The following PPP4R2 variants were observed in gnomAD, a reference collection of about 807,000 sequenced individuals.
The protein encoded by PPP4R2 is protein phosphatase 4 regulatory subunit 2.
A neutral mutation model predicts 47.2 loss-of-function variants in PPP4R2; 13 were observed. That is an observed-to-expected ratio of 0.28 (90% CI 0.18 to 0.44). The LOEUF (loss-of-function observed/expected upper bound fraction) is 0.44, where lower values mean the gene tolerates loss of function less well. PPP4R2 is among the 20% of genes least tolerant of loss of function. The pLI is 1.00. For synonymous variants in PPP4R2, 151 were observed against 163.3 expected (o/e 0.92, Z 0.57); for missense variants, 421 against 491.2 (o/e 0.86, Z 1.35).
chr3:73,056,561 G>A (rs763963531), intron 3 of PPP4R2, among the ~76,000 whole-genome samples: 4 of 152,066 alleles, frequency 2.6e-5, no homozygotes, highest in Non-Finnish European at 4.4e-5. Context: ...TGACATTTTA[G>A]TGCCATCTAT....
chr3:72,997,447 C>G (rs1046344182), intron 1 of PPP4R2: 2 of 159,602 alleles, frequency 1.3e-5, no homozygotes, highest in Non-Finnish European at 2.7e-5. Context: ...AAAAAGTAAA[C>G]GGTTGGTGGG....
In PPP4R2 at chr3:73,068,685, G is replaced by C. The variant is rs1293564237; in HGVS notation, c.*2963G>C. 6.6e-6 allele frequency: 1 copy of C among 152,114 alleles called. No individual in the cohort carries two copies. Among genetic ancestry groups the C allele is most frequent in the Non-Finnish European group, 1.5e-5 (1 of 68,022 alleles). The allele number at this position is 152,114 out of a possible 1,614,324, so 9.4% of individuals were successfully genotyped here. ...GAGATTCAGAGTATTTTGTTTTGCCGGTGTAGATAGGCATGTATTTATGCA... is the reference window on the plus strand; with the variant it reads ...GAGATTCAGAGTATTTTGTTTTGCCCGTGTAGATAGGCATGTATTTATGCA... On this transcript the variant is annotated 3_prime_UTR_variant, in exon 9 of 9. Transcript: ENST00000356692.
chr3:73,021,108 T>C (rs1701950696), intron 2 of PPP4R2, among the ~76,000 whole-genome samples: 1 of 152,160 alleles, frequency 6.6e-6, no homozygotes, highest in Non-Finnish European at 1.5e-5. Flanking sequence ...TTTATGCAGA[T>C]ATGTTTTTGA....
At position 73,002,629 on chromosome 3, in the gene PPP4R2, C is replaced by CTTTTT. The variant is rs1245599779; in HGVS notation, c.116+4475_116+4476insTTTTT. On this transcript the variant is annotated intron_variant, in intron 2 of 8. Coordinates refer to ENST00000356692, the MANE Select transcript of PPP4R2 (RefSeq NM_174907.4). ...TTTTTCTTTTCTTTTCTTTTCTTTT[C>CTTTTT]TTTTCTTTTTTTTTTTTTTTTTTTT... 3.6e-3 allele frequency among the ~76,000 whole-genome samples: 299 copies of CTTTTT among 82,852 alleles called. 10 individuals are homozygous for CTTTTT. The highest frequency in any genetic ancestry group is 4.7e-3 in the Non-Finnish European group (197 of 41,538). The allele number at this position is 82,852 out of a possible 152,430, so 54.4% of individuals were successfully genotyped here.
intron 2 of PPP4R2, among the ~76,000 whole-genome samples, chr3:73,038,929 T>C (rs755097626): frequency 6.6e-6 from 1 of 152,210 alleles, no homozygotes; most frequent in Non-Finnish European, 1.5e-5. Context: ...TTTAGCACTC[T>C]AATTTGAAAA....
chr3:73,053,736 C>T (rs1422612619), intron 3 of PPP4R2, among the ~76,000 whole-genome samples: 3 of 151,274 alleles, frequency 2.0e-5, no homozygotes, highest in African/African-American at 7.3e-5. Context: ...TGTGAAACCC[C>T]GTCTCTACTA....
chr3:73,064,702 A>G, intron 7 of PPP4R2, 150 bp from the exon 8 acceptor site: 3 of 718,686 alleles, frequency 4.2e-6, no homozygotes, highest in Admixed American at 5.5e-5. Context: ...TTTACCTTGA[A>G]ATTATTCTCT....
rs1394125426 is a variant in PPP4R2 at position 73,066,221 on chromosome 3, T to A, written c.*499T>A. On this transcript the variant is annotated 3_prime_UTR_variant, in exon 9 of 9. Coordinates refer to ENST00000356692, the MANE Select transcript of PPP4R2 (RefSeq NM_174907.4). ...TTGTTTGGCTACGTACAATGGAACT[T>A]TAAGTCATATATACATACATATATA... 7.5e-6 allele frequency: 1 copy of A among 133,804 alleles called. No homozygotes were observed. Among genetic ancestry groups the A allele is most frequent in the African/African-American group, 2.9e-5 (1 of 34,150 alleles). 8.3% of individuals were successfully genotyped at this position (133,804 alleles called of 1,614,324 possible). A position where few individuals can be genotyped will look rare whatever the true frequency, so the allele number is the denominator to read the frequency against.
intron 2 of PPP4R2, among the ~76,000 whole-genome samples, chr3:73,002,604 TTTTTCTTTTC>T (rs67976074): frequency 0.01 from 1,029 of 102,434 alleles, 33 homozygotes; most frequent in African/African-American, 0.033. Flanking sequence ...TGCACAGGGA[TTTTTCTTTTC>T]TTTTCTTTTC....
chr3:73,063,216 C>G (rs938146234), intron 5 of PPP4R2: 5 of 366,980 alleles, frequency 1.4e-5, no homozygotes, highest in Admixed American at 4.8e-5. Context: ...CCATCACACT[C>G]CCTTTGCTTC....
chr3:73,062,618 G>C lies in PPP4R2; in HGVS notation c.420-1055G>C, dbSNP rs149885758. 36 of 1,613,994 alleles carry C rather than the reference G, an allele frequency of 2.2e-5. No individual in the cohort carries two copies. In the African/African-American group the frequency reaches 4.3e-4, roughly 19 times the overall value. ...TGCCTAACTTTATTGCCCTTGAGAA[G>C]TCATCAGTTCTCCGCCACTGCTGTG... is the stretch of plus-strand genomic sequence containing the variant. On this transcript the variant is annotated intron_variant, in intron 5 of 8. Coordinates refer to ENST00000356692, the MANE Select transcript of PPP4R2 (RefSeq NM_174907.4).
At chr3:73,019,377 T>C (rs1180606879) in intron 2 of PPP4R2, among the ~76,000 whole-genome samples, 2 of 152,188 alleles carry the variant, frequency 1.3e-5, no homozygotes, top group African/African-American at 4.8e-5. Flanking sequence ...TTATTTTATT[T>C]ATTTATTTAT....
At chr3:73,064,329 T>G (rs1302843087) in intron 7 of PPP4R2, among the ~76,000 whole-genome samples, 183 bp downstream of exon 7, 1 of 152,200 alleles carries the variant, frequency 6.6e-6, no homozygotes, top group African/African-American at 2.4e-5. Context: ...TAGACAAGAC[T>G]TAAAACTGCT....
At chr3:73,039,211 C>A (rs1339676855) in intron 2 of PPP4R2, among the ~76,000 whole-genome samples, 1 of 152,176 alleles carries the variant, frequency 6.6e-6, no homozygotes, top group East Asian at 1.9e-4. Flanking sequence ...GCAACCTCGG[C>A]CTCCCAGGTT....
rs1264851282 is a variant in PPP4R2 at position 73,065,016 on chromosome 3, T to G, written c.803T>G (p.Ile268Ser). ...ETASQTTSSE[I>S]SSVMVGETEA... is the part of the protein sequence containing the mutation. ...GCCAGTCAAACGACTTCCAGCGAAATTTCTTCAGTTATGGTAGGAGAAACA... is the reference window on the plus strand; with the variant it reads ...GCCAGTCAAACGACTTCCAGCGAAAGTTCTTCAGTTATGGTAGGAGAAACA... Residue 268 changes from isoleucine to serine, a missense_variant, in exon 8 of 9, where the codon ATT (isoleucine) becomes AGT (serine). Physicochemically the swap from Ile to Ser is moderately radical, Grantham distance 142 (BLOSUM62 -2). Coordinates refer to ENST00000356692, the MANE Select transcript of PPP4R2 (RefSeq NM_174907.4). 1 of 1,613,878 alleles carries G rather than the reference T, an allele frequency of 6.2e-7. No individual in the cohort carries two copies. Among genetic ancestry groups the G allele is most frequent in the Non-Finnish European group, 8.5e-7 (1 of 1,179,860 alleles).
At chr3:73,062,578 G>T (rs770131132) in intron 5 of PPP4R2, 16 of 1,614,000 alleles carry the variant, frequency 9.9e-6, no homozygotes, top group Non-Finnish European at 1.3e-5. Context: ...CCTTATGCTA[G>T]CAGATTCAAA....
intron 3 of PPP4R2, 75 bp downstream of exon 3, chr3:73,047,431 G>A: frequency 2.1e-6 from 2 of 967,132 alleles, no homozygotes; most frequent in Non-Finnish European, 2.9e-6. Context: ...GTTTTGATGT[G>A]TCTGGTTGAT....
intron 2 of PPP4R2, among the ~76,000 whole-genome samples, chr3:73,013,763 C>T (rs1392585259): frequency 2.6e-5 from 4 of 152,046 alleles, no homozygotes; most frequent in African/African-American, 7.2e-5. Context: ...CTCAGCCTCC[C>T]GAGTAGGTGG....
intron 3 of PPP4R2, among the ~76,000 whole-genome samples, chr3:73,048,002 G>T (rs771083801): frequency 6.6e-6 from 1 of 152,066 alleles, no homozygotes; most frequent in South Asian, 2.1e-4. Flanking sequence ...TCAGCTTCGC[G>T]AGTAACTGAG....
Sources: allele counts gnomAD v4.1 joint callset (sites outside exome capture counted in the v4.1 genomes callset), GRCh38; gene constraint gnomAD v4.1.1; transcripts MANE v1.5; gene names NCBI Gene and HGNC (gene_info 2026-07-23, HGNC 2026-07-21).